Variants in DROSHA observed in about 807,000 individuals in gnomAD.
The protein encoded by DROSHA is ribonuclease 3.
In DROSHA, 56 loss-of-function variants were observed where a neutral mutation model predicts 181.9. That is an observed-to-expected ratio of 0.31 (90% CI 0.25 to 0.38). DROSHA has a LOEUF of 0.38. Among genes scored for constraint, DROSHA ranks in the 10% least tolerant of loss-of-function variants. The probability of loss-of-function intolerance (pLI) is 1.00; values close to 1 mark genes in which losing one functional copy is unlikely to be tolerated. For synonymous variants in DROSHA, 524 were observed against 591.2 expected, an observed-to-expected ratio of 0.89 and a Z score of 1.65; for missense variants, 1,218 against 1,743.5, an observed-to-expected ratio of 0.70 and a Z score of 5.37.
chr5:31,514,846 C>G lies in DROSHA; in HGVS notation c.1290+142G>C, dbSNP rs1028241148. ...GGGGAGGGGTACTACTGGCATCTAA[C>G]AGGTAGAGCCCAGAGATGCCGCTAA... On this transcript the variant is annotated intron_variant, in intron 8 of 35. Coordinates refer to ENST00000344624, the MANE Select transcript of DROSHA (RefSeq NM_001382508.1). This position sits in a 1 kb window ranked among gnomAD's most constrained non-coding sequence, Gnocchi z 4.4. The G allele has an allele frequency of 5.6e-6, 4 of 711,124 alleles. No individual in the cohort carries two copies. In the African/African-American group the frequency reaches 7.2e-5, roughly 13 times the overall value. The allele number at this position is 711,124 out of a possible 1,614,324, so 44.1% of individuals were successfully genotyped here.
intron 14 of DROSHA, among the ~76,000 whole-genome samples, chr5:31,485,223 C>T (rs556046319): frequency 4.1e-4 from 63 of 152,250 alleles, no homozygotes; most frequent in African/African-American, 1.4e-3. Context: ...TAAAGTCTCA[C>T]TTATATTAAT....
chr5:31,520,499 TAA>T (rs887091595), intron 6 of DROSHA, among the ~76,000 whole-genome samples: 9 of 152,194 alleles, frequency 5.9e-5, no homozygotes. Context: ...GGCCCAGTTC[TAA>T]GTGTTTGACA....
intron 8 of DROSHA, among the ~76,000 whole-genome samples, chr5:31,512,829 C>T (rs1299201738): frequency 1.3e-5 from 2 of 152,208 alleles, no homozygotes; most frequent in Non-Finnish European, 2.9e-5. Flanking sequence ...GAAGTGCCCA[C>T]ACCTGACAGC....
intron 19 of DROSHA, among the ~76,000 whole-genome samples, chr5:31,465,130 C>G (rs1467009230): frequency 6.6e-6 from 1 of 152,178 alleles, no homozygotes; most frequent in Non-Finnish European, 1.5e-5. Context: ...TATAAACAGG[C>G]TGATTGGCCT....
intron 16 of DROSHA, among the ~76,000 whole-genome samples, chr5:31,477,632 C>T (rs1005468451): frequency 4.6e-5 from 7 of 152,158 alleles, no homozygotes; most frequent in Admixed American, 2.6e-4. Context: ...TCTAGACAGT[C>T]AATTTGCAAA....
At chr5:31,435,260 AG>A (rs528825437) in intron 25 of DROSHA, among the ~76,000 whole-genome samples, 242 of 152,342 alleles carry the variant, frequency 1.6e-3, no homozygotes, top group African/African-American at 5.5e-3. Context: ...CAATGAGGCT[AG>A]GGGAACAGCC....
intron 13 of DROSHA, among the ~76,000 whole-genome samples, chr5:31,490,272 C>T (rs1015604494): frequency 1.3e-5 from 2 of 150,898 alleles, no homozygotes; most frequent in African/African-American, 4.9e-5. Flanking sequence ...GCTTCAAATT[C>T]CTGGGCTGAA....
chr5:31,523,571 G>C (rs181448535), intron 5 of DROSHA, among the ~76,000 whole-genome samples: 49 of 152,302 alleles, frequency 3.2e-4, no homozygotes, highest in African/African-American at 1.2e-3. Context: ...GCTGCAAAAT[G>C]TTTTCCCAGA....
At chr5:31,412,364 G>C (rs139834983) in intron 30 of DROSHA, among the ~76,000 whole-genome samples, 2 of 152,164 alleles carry the variant, frequency 1.3e-5, no homozygotes, top group African/African-American at 4.8e-5. Flanking sequence ...AAACAGGGAC[G>C]AGGAACAGGA....
intron 13 of DROSHA, chr5:31,486,861 A>C (rs1224257377): frequency 4.4e-6 from 1 of 229,072 alleles, no homozygotes; most frequent in Non-Finnish European, 8.5e-6. Context: ...CCTCTAAAGA[A>C]TTAATAAAAC....
At chr5:31,462,373 C>T (rs778944393) in intron 20 of DROSHA, among the ~76,000 whole-genome samples, 7 of 152,096 alleles carry the variant, frequency 4.6e-5, no homozygotes, top group East Asian at 3.9e-4. Context: ...GAGGGAGGAA[C>T]GGTTATTAGA....
intron 11 of DROSHA, among the ~76,000 whole-genome samples, chr5:31,501,681 G>A (rs908573345): frequency 1.8e-4 from 28 of 152,204 alleles, no homozygotes; most frequent in Non-Finnish European, 3.2e-4. Context: ...CGGGCCAGGT[G>A]TTGTAGTTTA....
chr5:31,421,657 T>C (rs757614620), intron 29 of DROSHA: 32 of 319,678 alleles, frequency 1.0e-4, no homozygotes, highest in Non-Finnish European at 1.7e-4. Context: ...CTGAAGAGCA[T>C]AAATTGAAAA....
In DROSHA at chr5:31,519,788, TAAG is replaced by T. The variant is rs563693404; in HGVS notation, c.947+1332_947+1334del. 6.6e-4 allele frequency among the ~76,000 whole-genome samples: 100 copies of T among 152,326 alleles called. 1 individual carries two copies. The highest frequency in any genetic ancestry group is 2.3e-3 in the African/African-American group (94 of 41,574). ...GATTTTAGTTTAAATACCTAAAAGG[TAAG>T]TACTGAGATAACCCTACAGATTTTG... On this transcript the variant is annotated intron_variant, in intron 6 of 35. Coordinates refer to ENST00000344624, the MANE Select transcript of DROSHA (RefSeq NM_001382508.1).
intron 35 of DROSHA, among the ~76,000 whole-genome samples, chr5:31,403,447 A>T (rs1385925939): frequency 1.3e-5 from 2 of 152,200 alleles, no homozygotes; most frequent in Admixed American, 1.3e-4. Context: ...ATACACCTAG[A>T]CACTTGAACA....
chr5:31,450,249 A>G (rs1266220946), intron 21 of DROSHA, among the ~76,000 whole-genome samples: 1 of 152,218 alleles, frequency 6.6e-6, no homozygotes, highest in Non-Finnish European at 1.5e-5. Context: ...AATTAGTATA[A>G]CCTCTAGGAA....
intron 34 of DROSHA, among the ~76,000 whole-genome samples, chr5:31,406,068 T>TA (rs569842907): frequency 3.2e-4 from 48 of 150,798 alleles, no homozygotes; most frequent in Non-Finnish European, 4.1e-4. Context: ...AGGAAAAGAA[T>TA]AAAAAAAAAT....
At chr5:31,471,572 G>A (rs1172638486) in intron 17 of DROSHA, among the ~76,000 whole-genome samples, 2 of 151,888 alleles carry the variant, frequency 1.3e-5, no homozygotes, top group East Asian at 1.9e-4. Context: ...TTATGGCGGA[G>A]GATCAATAAA....
At chr5:31,529,739 A>C (rs927474108) in intron 3 of DROSHA, among the ~76,000 whole-genome samples, 10 of 149,996 alleles carry the variant, frequency 6.7e-5, no homozygotes, top group Admixed American at 6.6e-5. Flanking sequence ...ACAAACAAAA[A>C]AAAAAAAACA....
Sources: gnomAD v4.1 joint callset for allele counts (sites outside exome capture counted in the v4.1 genomes callset) on GRCh38, gnomAD v4.1.1 for gene constraint, Gnocchi (gnomAD v3.1) non-coding constraint, MANE v1.5 for transcripts, NCBI Gene and HGNC (gene_info 2026-07-23, HGNC 2026-07-21) for gene names.